Variants in DR1 observed in about 807,000 individuals in gnomAD.
DR1 encodes protein Dr1.
Under a neutral mutation model 19.9 loss-of-function variants are expected in DR1, and 7 were observed. The observed-to-expected ratio is 0.35, with a 90% confidence interval of 0.20 to 0.66. The LOEUF is 0.66. Ranked by LOEUF, DR1 falls within the 30% of genes least tolerant of loss-of-function variation. The pLI is 0.66. For missense variants in DR1, 98 were observed against 203.7 expected (o/e 0.48, Z 3.16); for synonymous variants, 76 against 72.5 (o/e 1.05, Z -0.24).
chr1:93,360,912 A>G lies in DR1; in HGVS notation c.*273A>G. ...TAGATAGCAGCGAGTCCTTCGTTTG[A>G]TCAATAAACAGTGTTACAGATAACT... On this transcript the variant is annotated 3_prime_UTR_variant, in exon 3 of 3. Transcript: ENST00000370272. 1 of 308,842 alleles carries G rather than the reference A, an allele frequency of 3.2e-6. No homozygotes were observed. The highest frequency in any genetic ancestry group is 5.9e-6 in the Non-Finnish European group (1 of 169,054). The allele number at this position is 308,842 out of a possible 1,614,324, so 19.1% of individuals were successfully genotyped here. A position where few individuals can be genotyped will look rare whatever the true frequency, so the allele number is the denominator to read the frequency against.
chr1:93,353,812 C>T (rs1399923777), intron 1 of DR1, 96 bp from the exon 2 acceptor site: 3 of 944,208 alleles, frequency 3.2e-6, no homozygotes, highest in African/African-American at 1.7e-5. Flanking sequence ...ACATTCCCCT[C>T]CCCCAAAGAA....
chr1:93,359,497 A>G (rs1027170877), intron 2 of DR1, among the ~76,000 whole-genome samples: 1 of 152,228 alleles, frequency 6.6e-6, no homozygotes, highest in African/African-American at 2.4e-5. Context: ...AGGTCAAGAA[A>G]GACTAGCTGA....
rs1667050012 is a variant in DR1, at chr1:93,361,398, G to A, written c.*759G>A. Reference sequence around the variant, plus strand: ...ATTTTTACTCTTTCACTCCAATTCAGTAATTGTTGATAGTATTACTTACCT... The same window carrying A: ...ATTTTTACTCTTTCACTCCAATTCAATAATTGTTGATAGTATTACTTACCT... On this transcript the variant is annotated 3_prime_UTR_variant, in exon 3 of 3. Transcript: ENST00000370272. 6.6e-6 allele frequency: 1 copy of A among 152,478 alleles called. No homozygotes were observed. The highest frequency in any genetic ancestry group is 2.4e-5 in the African/African-American group (1 of 41,404). 9.4% of individuals were successfully genotyped at this position (152,478 alleles called of 1,614,324 possible). A position where few individuals can be genotyped will look rare whatever the true frequency, so the allele number is the denominator to read the frequency against.
Position 93,364,173 on chromosome 1 carries a change from T to C in DR1, c.*3534T>C, listed in dbSNP as rs1275425499. On this transcript the variant is annotated 3_prime_UTR_variant, in exon 3 of 3. Transcript: ENST00000370272. Reference sequence around the variant, plus strand: ...GGTTGAATTTCTCGAAACACCTAAATTGTACCAAATGAGTTATATTGCAGC... The same window carrying C: ...GGTTGAATTTCTCGAAACACCTAAACTGTACCAAATGAGTTATATTGCAGC... 1 of 152,218 alleles carries C rather than the reference T, an allele frequency of 6.6e-6. No homozygotes were observed. The highest frequency in any genetic ancestry group is 2.4e-5 in the African/African-American group (1 of 41,466). The allele number at this position is 152,218 out of a possible 1,614,324, so 9.4% of individuals were successfully genotyped here.
intron 1 of DR1, among the ~76,000 whole-genome samples, chr1:93,351,701 G>A (rs1666914980): frequency 6.6e-6 from 1 of 152,186 alleles, no homozygotes; most frequent in Non-Finnish European, 1.5e-5. Flanking sequence ...CTCCCAGAGT[G>A]CTGGGATTAC....
At position 93,362,518 on chromosome 1, in the gene DR1, A is replaced by G. The variant is rs1380903819; in HGVS notation, c.*1879A>G. 3.3e-5 allele frequency: 5 copies of G among 150,110 alleles called. No homozygotes were observed. Among genetic ancestry groups the G allele is most frequent in the Non-Finnish European group, 5.9e-5 (4 of 67,506 alleles). 9.3% of individuals were successfully genotyped at this position (150,110 alleles called of 1,614,324 possible). A position where few individuals can be genotyped will look rare whatever the true frequency, so the allele number is the denominator to read the frequency against. Reference sequence around the variant, plus strand: ...TGTATTATACGTTTGAAGCCTAGTGACTTTTCATTTTGACATTCTTGTGAT... The same window carrying G: ...TGTATTATACGTTTGAAGCCTAGTGGCTTTTCATTTTGACATTCTTGTGAT... On this transcript the variant is annotated 3_prime_UTR_variant, in exon 3 of 3. Transcript: ENST00000370272.
At position 93,369,430 on chromosome 1, in the gene DR1, C is replaced by G. The variant is rs911475787; in HGVS notation, c.*8791C>G. 6.6e-6 allele frequency: 1 copy of G among 152,148 alleles called. No individual in the cohort carries two copies. Among genetic ancestry groups the G allele is most frequent in the South Asian group, 2.1e-4 (1 of 4,828 alleles). The allele number at this position is 152,148 out of a possible 1,614,324, so 9.4% of individuals were successfully genotyped here. A position where few individuals can be genotyped will look rare whatever the true frequency, so the allele number is the denominator to read the frequency against. On this transcript the variant is annotated 3_prime_UTR_variant, in exon 3 of 3. Transcript: ENST00000370272. ...GCTCCCTTTTTCTGTCCACTGTTGT[C>G]TAAATGATTCACTCAGTGTTATGCA...
At position 93,361,595 on chromosome 1, in the gene DR1, G is replaced by C. The variant is rs1194017259; in HGVS notation, c.*956G>C. On this transcript the variant is annotated 3_prime_UTR_variant, in exon 3 of 3. Coordinates refer to ENST00000370272, the MANE Select transcript of DR1 (RefSeq NM_001938.3). ...AGAGGGATTTTTAATTTAACTTGTA[G>C]TTATAGTTTACTTATTGTTTTTAGA... The C allele has an allele frequency of 6.6e-6, 1 of 152,458 alleles. No homozygotes were observed. Among genetic ancestry groups the C allele is most frequent in the Non-Finnish European group, 1.5e-5 (1 of 67,938 alleles). The allele number at this position is 152,458 out of a possible 1,614,324, so 9.4% of individuals were successfully genotyped here. A position where few individuals can be genotyped will look rare whatever the true frequency, so the allele number is the denominator to read the frequency against.
intron 2 of DR1, 29 bp from the exon 3 acceptor site, chr1:93,360,464 T>A: frequency 6.5e-7 from 1 of 1,533,092 alleles, no homozygotes; most frequent in Non-Finnish European, 8.7e-7. Context: ...TAAAAAATTG[T>A]TATTTTTTTT....
intron 1 of DR1, among the ~76,000 whole-genome samples, chr1:93,349,516 T>G (rs1666892134): frequency 6.6e-6 from 1 of 152,242 alleles, no homozygotes; most frequent in African/African-American, 2.4e-5. Context: ...TTAACTAAGG[T>G]TTTCTTATTT....
chr1:93,353,391 T>A (rs1458008618), intron 1 of DR1, among the ~76,000 whole-genome samples: 1 of 152,224 alleles, frequency 6.6e-6, no homozygotes, highest in Admixed American at 6.5e-5. Flanking sequence ...ATTTCATGAC[T>A]TTTATTTCCA....
In DR1 at chr1:93,346,657, G is replaced by A; in HGVS notation, c.12G>A (p.Ser4=). MAS[S]SGNDDDLTIP... is the part of the protein sequence containing the mutation. ...AACAGGAAGGTACTATGGCTTCCTC[G>A]TCTGGCAACGATGATGATCTCACTA... The change falls in exon 1 of 3, where the codon TCG becomes TCA. Residue 4 remains serine, a synonymous_variant. Coordinates refer to ENST00000370272, the MANE Select transcript of DR1 (RefSeq NM_001938.3). The A allele has an allele frequency of 6.2e-7, 1 of 1,613,822 alleles. No homozygotes were observed. Among genetic ancestry groups the A allele is most frequent in the Non-Finnish European group, 8.5e-7 (1 of 1,179,966 alleles).
intron 1 of DR1, among the ~76,000 whole-genome samples, chr1:93,351,175 A>T (rs1049904588): frequency 1.1e-4 from 16 of 152,272 alleles, no homozygotes; most frequent in African/African-American, 3.4e-4. Context: ...CCAGTTATTG[A>T]TATCTGTTAG....
intron 1 of DR1, among the ~76,000 whole-genome samples, chr1:93,349,830 A>G (rs1666895437): frequency 6.6e-6 from 1 of 152,112 alleles, no homozygotes; most frequent in Non-Finnish European, 1.5e-5. Context: ...TTACTATTTG[A>G]TTCAATAGAC....
rs1478602343 is a variant in DR1, at chr1:93,362,769, C to A, written c.*2130C>A. 1.4e-5 allele frequency: 2 copies of A among 147,630 alleles called. No homozygotes were observed. Among genetic ancestry groups the A allele is most frequent in the Non-Finnish European group, 3.0e-5 (2 of 67,198 alleles). 9.1% of individuals were successfully genotyped at this position (147,630 alleles called of 1,614,324 possible). ...TACTTGTATTTTTATAATTTACAGT[C>A]CTAAGATCGAGGCATAACAAAGCTT... On this transcript the variant is annotated 3_prime_UTR_variant, in exon 3 of 3. Transcript: ENST00000370272.
chr1:93,361,560 T>G lies in DR1; in HGVS notation c.*921T>G, dbSNP rs1363222107. On this transcript the variant is annotated 3_prime_UTR_variant, in exon 3 of 3. Coordinates refer to ENST00000370272, the MANE Select transcript of DR1 (RefSeq NM_001938.3). ...AAGAAATGAAAGTTAATGAGCATGCTTGCTATGAGAGAGGGATTTTTAATT... is the reference window on the plus strand; with the variant it reads ...AAGAAATGAAAGTTAATGAGCATGCGTGCTATGAGAGAGGGATTTTTAATT... The G allele has an allele frequency of 6.6e-6, 1 of 152,540 alleles. No individual in the cohort carries two copies. Among genetic ancestry groups the G allele is most frequent in the Non-Finnish European group, 1.5e-5 (1 of 67,958 alleles). The allele number at this position is 152,540 out of a possible 1,614,324, so 9.4% of individuals were successfully genotyped here. A position where few individuals can be genotyped will look rare whatever the true frequency, so the allele number is the denominator to read the frequency against.
intron 1 of DR1, among the ~76,000 whole-genome samples, chr1:93,353,573 C>T (rs1666943464): frequency 6.6e-6 from 1 of 152,158 alleles, no homozygotes; most frequent in Non-Finnish European, 1.5e-5. Context: ...TTTTTTCTTA[C>T]TAAAACCATA....
At position 93,365,891 on chromosome 1, in the gene DR1, A is replaced by C. The variant is rs1022065123; in HGVS notation, c.*5252A>C. ...AGATGAGGTATGCTATTTCATAACT[A>C]GTACATCTTTTAATAAGCATTTTTT... On this transcript the variant is annotated 3_prime_UTR_variant, in exon 3 of 3. Transcript: ENST00000370272. The C allele has an allele frequency of 6.6e-6, 1 of 152,212 alleles. No individual in the cohort carries two copies. The highest frequency in any genetic ancestry group is 1.5e-5 in the Non-Finnish European group (1 of 68,038). The allele number at this position is 152,212 out of a possible 1,614,324, so 9.4% of individuals were successfully genotyped here. A position where few individuals can be genotyped will look rare whatever the true frequency, so the allele number is the denominator to read the frequency against.
At chr1:93,349,137 C>G (rs945955964) in intron 1 of DR1, among the ~76,000 whole-genome samples, 1 of 152,060 alleles carries the variant, frequency 6.6e-6, no homozygotes, top group Non-Finnish European at 1.5e-5. Context: ...GGACATTTCA[C>G]TTGTTCATTT....
Sources: gnomAD v4.1 joint callset for allele counts (sites outside exome capture counted in the v4.1 genomes callset) on GRCh38, gnomAD v4.1.1 for gene constraint, MANE v1.5 for transcripts, NCBI Gene and HGNC (gene_info 2026-07-23, HGNC 2026-07-21) for gene names.